Variants in PRKAR1A observed in about 807,000 individuals in gnomAD.
PRKAR1A encodes the protein protein kinase cAMP-dependent type I regulatory subunit alpha.
Under a neutral mutation model 52.0 loss-of-function variants are expected in PRKAR1A, and 3 were observed. The ratio of observed to expected loss-of-function variants is 0.06; its 90% CI spans 0.03 to 0.15. The LOEUF (loss-of-function observed/expected upper bound fraction) is 0.15. PRKAR1A is among the 10% of genes least tolerant of loss of function. The pLI is 1.00. For synonymous variants in PRKAR1A, 188 were observed against 168.4 expected (o/e 1.12, Z -0.90); for missense variants, 240 against 477.4 (o/e 0.50, Z 4.63).
chr17:68,458,827 G>A, the PRKAR1A span, among the ~76,000 whole-genome samples: 2 of 152,126 alleles, frequency 1.3e-5, no homozygotes, highest in East Asian at 1.9e-4. Context: ...TTATATGACA[G>A]TCTCTCAAAT....
the PRKAR1A span, among the ~76,000 whole-genome samples, chr17:68,434,374 G>T: frequency 3.9e-5 from 6 of 152,270 alleles, no homozygotes; most frequent in African/African-American, 1.4e-4. Context: ...CAGCATCTCG[G>T]CTTTCAGTTT....
At chr17:68,437,948 T>TAAAAAAAAAAAAAG in the PRKAR1A span, among the ~76,000 whole-genome samples, 1 of 78,806 alleles carries the variant, frequency 1.3e-5, no homozygotes, top group African/African-American at 4.8e-5. Context: ...ACATCTCTCT[T>TAAAAAAAAAAAAAG]AAAAAAAAAA....
At chr17:68,509,433 T>A (rs1003877102), upstream of PRKAR1A, among the ~76,000 whole-genome samples, 2 of 152,194 alleles carry the variant, frequency 1.3e-5, no homozygotes, top group Non-Finnish European at 2.9e-5. Flanking sequence ...CCTAGAGTGA[T>A]GGGATTACAG....
At chr17:68,469,175 A>G in the PRKAR1A span, among the ~76,000 whole-genome samples, 2 of 151,290 alleles carry the variant, frequency 1.3e-5, no homozygotes, top group Non-Finnish European at 2.9e-5. Flanking sequence ...AACAGGAATC[A>G]CTCATTTTGC....
intron 11 of PRKAR1A, chr17:68,540,590 C>G: frequency 1.7e-6 from 1 of 574,256 alleles, no homozygotes; most frequent in South Asian, 1.5e-5. Context: ...AGCTTCCAAT[C>G]TGACGCCCAC....
At chr17:68,459,245 C>A in the PRKAR1A span, among the ~76,000 whole-genome samples, 1 of 152,224 alleles carries the variant, frequency 6.6e-6, no homozygotes. Context: ...TGCTTCCCCC[C>A]ACCTTCCAGC....
At chr17:68,490,445 C>T in the PRKAR1A span, among the ~76,000 whole-genome samples, 3 of 152,178 alleles carry the variant, frequency 2.0e-5, no homozygotes, top group Admixed American at 2.0e-4. Flanking sequence ...TTTTTCTTAG[C>T]CCTGTCCTCC....
chr17:68,515,220 A>G lies in PRKAR1A; in HGVS notation c.-6-174A>G, dbSNP rs983126981. The G allele has an allele frequency of 2.4e-5, 16 of 664,884 alleles. No homozygotes were observed. In the East Asian group the frequency reaches 4.1e-4, roughly 17 times the overall value. The allele number at this position is 664,884 out of a possible 1,614,324, so 41.2% of individuals were successfully genotyped here. On this transcript the variant is annotated intron_variant, in intron 1 of 10. Transcript: ENST00000589228. Reference sequence around the variant, plus strand: ...CTAAATGAAACATTTACTTGGAATAATGCTAATTCTGTACATATTTTATTC... The same window carrying G: ...CTAAATGAAACATTTACTTGGAATAGTGCTAATTCTGTACATATTTTATTC...
At chr17:68,506,879 A>G (rs1022049168), upstream of PRKAR1A, among the ~76,000 whole-genome samples, 6 of 152,290 alleles carry the variant, frequency 3.9e-5, no homozygotes, top group African/African-American at 1.4e-4. Flanking sequence ...ATGATCAGGA[A>G]TCATTTTATA....
the PRKAR1A span, among the ~76,000 whole-genome samples, chr17:68,489,555 A>G: frequency 1.1e-4 from 17 of 149,432 alleles, no homozygotes; most frequent in Admixed American, 1.4e-4. Context: ...GAAAGTATAT[A>G]TATACACACA....
At chr17:68,425,116 C>T in the PRKAR1A span, among the ~76,000 whole-genome samples, 2 of 152,222 alleles carry the variant, frequency 1.3e-5, no homozygotes, top group African/African-American at 4.8e-5. Context: ...GCTGTGGGAA[C>T]AGGCTGAGCA....
chr17:68,437,016 A>ATG, the PRKAR1A span, among the ~76,000 whole-genome samples: 430 of 144,660 alleles, frequency 3.0e-3, 2 homozygotes, highest in African/African-American at 0.01. Context: ...ATATATATAT[A>ATG]TGTGTGTGTG....
At chr17:68,514,250 T>C (rs1337994980) in intron 1 of PRKAR1A, among the ~76,000 whole-genome samples, 1 of 152,232 alleles carries the variant, frequency 6.6e-6, no homozygotes, top group Non-Finnish European at 1.5e-5. Context: ...AATAGCTCTT[T>C]ACTCTGTTAA....
intron 11 of PRKAR1A, chr17:68,539,910 G>A (rs765210918): frequency 1.9e-6 from 3 of 1,614,168 alleles, no homozygotes; most frequent in Non-Finnish European, 2.5e-6. Context: ...AGGTGAATAA[G>A]GAACCCATCA....
At chr17:68,435,036 G>A in the PRKAR1A span, among the ~76,000 whole-genome samples, 5 of 151,942 alleles carry the variant, frequency 3.3e-5, no homozygotes, top group South Asian at 2.1e-4. Flanking sequence ...GTGAAACCCC[G>A]TCTCCACTAA....
the PRKAR1A span, among the ~76,000 whole-genome samples, chr17:68,485,826 C>A: frequency 6.6e-6 from 1 of 152,158 alleles, no homozygotes. Flanking sequence ...GCAGCCTCCA[C>A]CCCCTGGGTT....
chr17:68,469,282 T>G, the PRKAR1A span, among the ~76,000 whole-genome samples: 1 of 152,182 alleles, frequency 6.6e-6, no homozygotes, highest in Non-Finnish European at 1.5e-5. Context: ...TTAAGTCCTT[T>G]TGAAGTGTAA....
In PRKAR1A at chr17:68,528,952, G is replaced by T. The variant is rs771167809; in HGVS notation, c.852G>T (p.Val284=). Reference sequence around the variant, plus strand: ...TTGAAGATGGGCAGAAGATTGTGGTGCAGGGAGAACCAGGGGATGAGTTCT... The same window carrying T: ...TTGAAGATGGGCAGAAGATTGTGGTTCAGGGAGAACCAGGGGATGAGTTCT... ...VQFEDGQKIV[V]QGEPGDEFFI... The change falls in exon 9 of 11, where the codon GTG becomes GTT. Residue 284 remains valine, a synonymous_variant. Coordinates refer to ENST00000589228, the MANE Select transcript of PRKAR1A (RefSeq NM_002734.5). The T allele has an allele frequency of 1.9e-6, 3 of 1,613,994 alleles. No individual in the cohort carries two copies. Among genetic ancestry groups the T allele is most frequent in the Non-Finnish European group, 1.7e-6 (2 of 1,179,890 alleles).
chr17:68,428,858 T>C, the PRKAR1A span: 1 of 1,613,982 alleles, frequency 6.2e-7, no homozygotes, highest in Non-Finnish European at 8.5e-7. Flanking sequence ...CACACTCTCC[T>C]CCATCCTGAG....
Sources: gnomAD v4.1 joint callset for allele counts (sites outside exome capture counted in the v4.1 genomes callset) on GRCh38, gnomAD v4.1.1 for gene constraint, MANE v1.5 for transcripts, NCBI Gene and HGNC (gene_info 2026-07-23, HGNC 2026-07-21) for gene names.